TENM4: variants seen among roughly 807,000 people sequenced by gnomAD.
TENM4 encodes the protein teneurin transmembrane protein 4, also known as teneurin-4.
Under a neutral mutation model 243.3 loss-of-function variants are expected in TENM4, and 82 were observed. That is an observed-to-expected ratio of 0.34 (90% CI 0.28 to 0.40). The LOEUF (loss-of-function observed/expected upper bound fraction) is 0.40, where lower values mean the gene tolerates loss of function less well. TENM4 is among the 10% of genes least tolerant of loss of function. The probability of loss-of-function intolerance (pLI) is 1.00; values close to 1 mark genes in which losing one functional copy is unlikely to be tolerated. For missense variants in TENM4, 3,138 were observed against 3,673.3 expected, an observed-to-expected ratio of 0.85 and a Z score of 3.77; for synonymous variants, 1,412 against 1,456.3, an observed-to-expected ratio of 0.97 and a Z score of 0.69.
chr11:78,984,900 C>T (rs1857884057), intron 6 of TENM4, among the ~76,000 whole-genome samples: 1 of 152,150 alleles, frequency 6.6e-6, no homozygotes, highest in South Asian at 2.1e-4. Flanking sequence ...CAGCTAGTGG[C>T]TACCGTATTG....
chr11:79,119,882 C>T (rs1390422422), intron 4 of TENM4, among the ~76,000 whole-genome samples: 1 of 152,194 alleles, frequency 6.6e-6, no homozygotes, highest in Non-Finnish European at 1.5e-5. Context: ...CTGCAAATAG[C>T]TCGATAACCA....
rs140525718 is a variant in TENM4, at chr11:78,937,937, T to G, written c.494-34414A>C. 1.8e-3 allele frequency among the ~76,000 whole-genome samples: 280 copies of G among 152,298 alleles called. 1 individual carries two copies. The highest frequency in any genetic ancestry group is 6.5e-3 in the African/African-American group (271 of 41,558). On this transcript the variant is annotated intron_variant, in intron 6 of 33. Coordinates refer to ENST00000278550, the MANE Select transcript of TENM4 (RefSeq NM_001098816.3). ...GAATCCCAAAAAAAGCCAATTAAGATCTAAATTTGTTGTAATTTCATCTTT... is the reference window on the plus strand; with the variant it reads ...GAATCCCAAAAAAAGCCAATTAAGAGCTAAATTTGTTGTAATTTCATCTTT...
chr11:78,923,693 C>CTT (rs1172776088), intron 6 of TENM4, among the ~76,000 whole-genome samples: 15,177 of 53,352 alleles, frequency 0.28, 3,519 homozygotes, highest in African/African-American at 0.32. Flanking sequence ...ATGCACCTGG[C>CTT]TTTTTTTTTT....
rs77314046 is a variant in TENM4, at chr11:79,253,357, C to T, written c.-264-37448G>A. Among the ~76,000 whole-genome samples the T allele has an allele frequency of 3.4e-3, 519 of 152,256 alleles. 4 individuals carry two copies. The East Asian group carries it at 0.035, about 10-fold the overall frequency. On this transcript the variant is annotated intron_variant, in intron 2 of 33. Transcript: ENST00000278550. ...GGTGTCTGCTGCACAAAGAGCTTGC[C>T]GGGAAAACAAATCCCCTTCATGCCA...
At position 78,672,133 on chromosome 11, in the gene TENM4, C is replaced by T; in HGVS notation, c.5693G>A (p.Arg1898Lys). 2.5e-6 allele frequency: 4 copies of T among 1,613,862 alleles called. No homozygotes were observed. Among genetic ancestry groups the T allele is most frequent in the Middle Eastern group, 3.3e-4 (2 of 6,062 alleles). ...SPGGYIAGIQ[R>K]GIMSERMEYD... The stretch of plus-strand genomic sequence containing the variant: ...TTCCATTCTTTCAGACATGATGCCC[C>T]TCTGGATGCCAGCAATGTAACCCCC... The change falls in exon 31 of 34, where the codon AGG becomes AAG. Residue 1898 changes from arginine to lysine, a missense_variant. Transcript: ENST00000278550.
At position 78,975,016 on chromosome 11, in the gene TENM4, C is replaced by T. The variant is rs566482917; in HGVS notation, c.494-71493G>A. ...TCCCTTTCATCACCAGCCCCAGCTA[C>T]ACATCCAGGCAACCTCTCTGTGTGA... On this transcript the variant is annotated intron_variant, in intron 6 of 33. Transcript: ENST00000278550. Among the ~76,000 whole-genome samples, 5 of 152,094 alleles carry T rather than the reference C, an allele frequency of 3.3e-5. No homozygotes were observed. In the East Asian group the frequency reaches 9.7e-4, roughly 30 times the overall value.
chr11:79,066,383 G>A (rs374283588), intron 5 of TENM4, among the ~76,000 whole-genome samples: 5 of 152,176 alleles, frequency 3.3e-5, no homozygotes, highest in African/African-American at 1.2e-4. Flanking sequence ...AAGAACTGCC[G>A]GAGGGGTAGG....
chr11:79,421,705 T>TAAAAAAA (rs761710897), intron 1 of TENM4, among the ~76,000 whole-genome samples: 1 of 137,244 alleles, frequency 7.3e-6, no homozygotes, highest in African/African-American at 2.7e-5. Flanking sequence ...GCTCTGAAAT[T>TAAAAAAA]AAAAAAAAAA....
chr11:79,177,678 G>A (rs114156731), intron 3 of TENM4, among the ~76,000 whole-genome samples: 1,574 of 152,256 alleles, frequency 0.01, 25 homozygotes, highest in African/African-American at 0.036. Flanking sequence ...GCATTAGGTA[G>A]GAACCTGAAG....
At chr11:78,990,661 T>C (rs1406411835) in intron 6 of TENM4, among the ~76,000 whole-genome samples, 1 of 152,182 alleles carries the variant, frequency 6.6e-6, no homozygotes. Flanking sequence ...GGAGTCTGTA[T>C]AGAAATTCCT....
chr11:79,172,204 C>T (rs561819558), intron 3 of TENM4, among the ~76,000 whole-genome samples: 3 of 152,230 alleles, frequency 2.0e-5, no homozygotes, highest in South Asian at 2.1e-4. Context: ...CCTCCAGCCT[C>T]GGCCTCCCAA....
chr11:78,708,563 T>G (rs1419310894), intron 26 of TENM4, 48 bp from the exon 27 acceptor site: 1 of 1,596,382 alleles, frequency 6.3e-7, no homozygotes, highest in Middle Eastern at 1.7e-4. Flanking sequence ...GAGATGACAA[T>G]GACCCGCACA....
intron 6 of TENM4, among the ~76,000 whole-genome samples, chr11:78,933,570 C>T (rs1856716997): frequency 6.6e-6 from 1 of 152,166 alleles, no homozygotes; most frequent in Non-Finnish European, 1.5e-5. Context: ...AAACACCCAG[C>T]CACGTTAAAT....
intron 6 of TENM4, among the ~76,000 whole-genome samples, chr11:78,904,870 G>T (rs1856028525): frequency 6.6e-6 from 1 of 152,206 alleles, no homozygotes; most frequent in African/African-American, 2.4e-5. Flanking sequence ...GCAAGTTGTG[G>T]AGGTAAATCT....
At chr11:79,228,669 G>T (rs1038392283) in intron 2 of TENM4, among the ~76,000 whole-genome samples, 1 of 151,932 alleles carries the variant, frequency 6.6e-6, no homozygotes, top group African/African-American at 2.4e-5. Context: ...AGAAAATTTG[G>T]AGGTTACATA....
intron 1 of TENM4, among the ~76,000 whole-genome samples, chr11:79,325,377 T>C (rs1856956914): frequency 1.3e-5 from 2 of 152,134 alleles, no homozygotes; most frequent in African/African-American, 2.4e-5. Context: ...GTGGCCAATA[T>C]GGAATTAGAA....
At chr11:79,392,995 A>G (rs916195524) in intron 1 of TENM4, among the ~76,000 whole-genome samples, 5 of 152,198 alleles carry the variant, frequency 3.3e-5, no homozygotes, top group Non-Finnish European at 7.3e-5. Context: ...ATTGAGCACT[A>G]TCAGGCCCTA....
intron 6 of TENM4, among the ~76,000 whole-genome samples, chr11:79,027,445 G>C (rs1859109062): frequency 6.6e-6 from 1 of 152,218 alleles, no homozygotes; most frequent in African/African-American, 2.4e-5. Context: ...TCAAAGTCTA[G>C]TAGTTTTTGG....
At chr11:79,368,981 C>T (rs1857729152) in intron 1 of TENM4, among the ~76,000 whole-genome samples, 1 of 152,088 alleles carries the variant, frequency 6.6e-6, no homozygotes. Flanking sequence ...AATGATGAAG[C>T]TTTGTTGAGG....
Sources: gnomAD v4.1 joint callset for allele counts (sites outside exome capture counted in the v4.1 genomes callset) on GRCh38, gnomAD v4.1.1 for gene constraint, MANE v1.5 for transcripts, NCBI Gene and HGNC (gene_info 2026-07-23, HGNC 2026-07-21) for gene names.